The following N4BP2 variants were observed in gnomAD, a reference collection of about 807,000 sequenced individuals.
The protein encoded by N4BP2 is NEDD4-binding protein 2.
In N4BP2, 91 loss-of-function variants were observed where a neutral mutation model predicts 152.8. That is an observed-to-expected ratio of 0.60 (90% CI 0.50 to 0.71). The LOEUF (loss-of-function observed/expected upper bound fraction) is 0.71. Among genes scored for constraint, N4BP2 ranks in the 30% least tolerant of loss-of-function variants. The probability of loss-of-function intolerance (pLI) is 0.00; values close to 1 mark genes in which losing one functional copy is unlikely to be tolerated. For missense variants in N4BP2, 1,923 were observed against 2,059.1 expected (o/e 0.93, Z 1.28); for synonymous variants, 646 against 705.3 (o/e 0.92, Z 1.33).
intron 1 of N4BP2, chr4:40,057,313 C>T (rs1733267920): frequency 6.6e-6 from 1 of 152,554 alleles, no homozygotes; most frequent in African/African-American, 2.4e-5. Flanking sequence ...CTTCCTTGGC[C>T]TCCGAGTGCC....
At chr4:40,136,885 T>A (rs1317392948) in intron 13 of N4BP2, 59 bp from the exon 14 acceptor site, 1 of 1,271,954 alleles carries the variant, frequency 7.9e-7, no homozygotes, top group African/African-American at 1.5e-5. Context: ...CTTGTGTTAA[T>A]GTCCCACACA....
chr4:40,161,494 C>T (rs915001632), downstream of N4BP2, among the ~76,000 whole-genome samples: 13 of 152,114 alleles, frequency 8.5e-5, no homozygotes, highest in African/African-American at 3.1e-4. Flanking sequence ...ACTGGTTCAG[C>T]AGAAAAACTT....
At chr4:40,071,890 TTTTTA>T (rs935338831) in intron 1 of N4BP2, among the ~76,000 whole-genome samples, 1 of 151,878 alleles carries the variant, frequency 6.6e-6, no homozygotes, top group African/African-American at 2.4e-5. Context: ...TTAAAAAACA[TTTTTA>T]TTTTATTTTA....
intron 4 of N4BP2, among the ~76,000 whole-genome samples, chr4:40,105,306 G>A (rs988929318): frequency 6.6e-6 from 1 of 151,420 alleles, no homozygotes; most frequent in Admixed American, 6.6e-5. Context: ...GTTGAAAGGG[G>A]TCCCAAAGTG....
At chr4:40,130,421 T>C (rs1218494858) in intron 12 of N4BP2, among the ~76,000 whole-genome samples, 1 of 152,256 alleles carries the variant, frequency 6.6e-6, no homozygotes, top group Non-Finnish European at 1.5e-5. Context: ...TTGTTACCTC[T>C]TGTGGTTCCT....
intron 1 of N4BP2, among the ~76,000 whole-genome samples, chr4:40,058,978 GC>G (rs753906998): frequency 2.0e-5 from 3 of 152,046 alleles, no homozygotes; most frequent in Non-Finnish European, 4.4e-5. Flanking sequence ...AAGCCACTAC[GC>G]CCGGCTAATT....
intron 13 of N4BP2, among the ~76,000 whole-genome samples, chr4:40,132,602 GTTGTT>G: frequency 6.6e-6 from 1 of 152,086 alleles, no homozygotes; most frequent in Middle Eastern, 3.4e-3. Context: ...TTGCCACCGT[GTTGTT>G]TTAATTATTG....
chr4:40,160,120 A>G (rs2109304428), downstream of N4BP2, among the ~76,000 whole-genome samples: 1 of 152,276 alleles, frequency 6.6e-6, no homozygotes. Context: ...ACACCCGGCC[A>G]GGGAATTTTA....
chr4:40,121,988 A>G lies in N4BP2; in HGVS notation c.3877A>G (p.Ser1293Gly). ...HFSDIFNFVSSTSNLELNEEI... is the reference protein window; with the variant it reads ...HFSDIFNFVSGTSNLELNEEI... ...CTCTGATATTTTTAACTTTGTATCT[A>G]GTACTTCAAATCTTGAATTAAATGA... is the stretch of plus-strand genomic sequence containing the variant. The change falls in exon 9 of 18, where the codon AGT becomes GGT. Residue 1293 changes from serine to glycine, a missense_variant. Coordinates refer to ENST00000261435, the MANE Select transcript of N4BP2 (RefSeq NM_018177.6). The G allele has an allele frequency of 6.5e-7, 1 of 1,547,618 alleles. No individual in the cohort carries two copies. The highest frequency in any genetic ancestry group is 1.2e-5 in the South Asian group (1 of 83,148).
At chr4:40,185,384 GA>G in the N4BP2 span, among the ~76,000 whole-genome samples, 5 of 151,890 alleles carry the variant, frequency 3.3e-5, no homozygotes, top group African/African-American at 1.2e-4. Context: ...GAATTTGAAA[GA>G]AAAAAATTTA....
At chr4:40,175,771 C>A in the N4BP2 span, among the ~76,000 whole-genome samples, 1 of 137,576 alleles carries the variant, frequency 7.3e-6, no homozygotes, top group Non-Finnish European at 1.5e-5. Flanking sequence ...GATTGCGCCC[C>A]TGCACTCCAG....
At chr4:40,175,192 G>GT in the N4BP2 span, among the ~76,000 whole-genome samples, 692 of 151,230 alleles carry the variant, frequency 4.6e-3, 5 homozygotes, top group Middle Eastern at 0.031. Flanking sequence ...GGCTAAGTTT[G>GT]TTTTTTTTAT....
At chr4:40,093,573 A>G (rs1202900331) in intron 2 of N4BP2, among the ~76,000 whole-genome samples, 2 of 150,590 alleles carry the variant, frequency 1.3e-5, no homozygotes, top group African/African-American at 4.9e-5. Flanking sequence ...TGCGTGGCTA[A>G]TTTTTGTATT....
the N4BP2 span, among the ~76,000 whole-genome samples, chr4:40,185,769 A>G: frequency 1.3e-5 from 2 of 152,178 alleles, no homozygotes; most frequent in Non-Finnish European, 2.9e-5. Flanking sequence ...TTACAAAACT[A>G]CTTCCTTTTC....
At chr4:40,168,874 G>A in the N4BP2 span, among the ~76,000 whole-genome samples, 12 of 151,664 alleles carry the variant, frequency 7.9e-5, no homozygotes, top group Non-Finnish European at 1.0e-4. Context: ...ACAAGTGCGC[G>A]CCACCACACC....
At chr4:40,183,397 G>A in the N4BP2 span, among the ~76,000 whole-genome samples, 1,008 of 150,448 alleles carry the variant, frequency 6.7e-3, 15 homozygotes, top group African/African-American at 0.023. Context: ...GTGCAGTGGC[G>A]CGATCTCTGC....
At chr4:40,162,193 G>A (rs1481669868), downstream of N4BP2, among the ~76,000 whole-genome samples, 4 of 152,106 alleles carry the variant, frequency 2.6e-5, no homozygotes, top group Non-Finnish European at 4.4e-5. Context: ...TAAACTTTAC[G>A]GAAAGGCTCA....
chr4:40,081,194 G>A (rs967003258), intron 2 of N4BP2, among the ~76,000 whole-genome samples: 13 of 151,960 alleles, frequency 8.6e-5, no homozygotes, highest in Admixed American at 2.6e-4. Flanking sequence ...TGGAAAATGC[G>A]AAAGTAGCAT....
the N4BP2 span, among the ~76,000 whole-genome samples, chr4:40,165,944 A>G: frequency 1.3e-5 from 2 of 152,032 alleles, no homozygotes; most frequent in Non-Finnish European, 2.9e-5. Context: ...TGATGTCTCT[A>G]CCACTGCTGG....
Sources: gnomAD v4.1 joint callset for allele counts (sites outside exome capture counted in the v4.1 genomes callset) on GRCh38, gnomAD v4.1.1 for gene constraint, MANE v1.5 for transcripts, NCBI Gene and HGNC (gene_info 2026-07-23, HGNC 2026-07-21) for gene names.